USP33: variants seen among roughly 807,000 people sequenced by gnomAD.
USP33 encodes ubiquitin carboxyl-terminal hydrolase 33.
In USP33, 46 loss-of-function variants were observed where a neutral mutation model predicts 124.2. The ratio of observed to expected loss-of-function variants is 0.37; its 90% CI spans 0.29 to 0.47. USP33 has a LOEUF of 0.47. Ranked by LOEUF, USP33 falls within the 20% of genes least tolerant of loss-of-function variation. USP33 has a pLI of 0.99. For missense variants in USP33, 851 were observed against 1,070.6 expected (o/e 0.79, Z 2.86); for synonymous variants, 350 against 352.3 (o/e 0.99, Z 0.07).
intron 1 of USP33, among the ~76,000 whole-genome samples, chr1:77,742,389 A>G (rs1429144986): frequency 6.6e-6 from 1 of 152,198 alleles, no homozygotes; most frequent in Non-Finnish European, 1.5e-5. Flanking sequence ...CAAGAGACAG[A>G]CAGACCATCC....
intron 9 of USP33, among the ~76,000 whole-genome samples, chr1:77,729,097 G>A (rs1259084336): frequency 3.3e-5 from 5 of 152,056 alleles, no homozygotes; most frequent in Admixed American, 6.6e-5. Flanking sequence ...TTAGAAATGA[G>A]GTCTCCCTAT....
intron 20 of USP33, among the ~76,000 whole-genome samples, chr1:77,712,612 A>G (rs777562838): frequency 4.6e-5 from 7 of 152,160 alleles, no homozygotes; most frequent in Non-Finnish European, 8.8e-5. Flanking sequence ...CAAAGCAGCC[A>G]CATGGCTTGA....
Position 77,721,186 on chromosome 1 carries a change from A to G in USP33, c.1677T>C (p.Cys559=), listed in dbSNP as rs755412384. ...ATGTCACTTACTTTTTGCATTTTTC[A>G]CAACTGTACATATTGTCACCTGCAA... ...DELKGDNMYS[C]EKCKKLRNGV... Residue 559 remains cysteine, a synonymous_variant, in exon 15 of 24, where the codon TGT becomes TGC. Coordinates refer to ENST00000370794, the MANE Select transcript of USP33 (RefSeq NM_201624.3). 3 of 1,613,534 alleles carry G rather than the reference A, an allele frequency of 1.9e-6. No individual in the cohort carries two copies. Among genetic ancestry groups the G allele is most frequent in the African/African-American group, 2.7e-5 (2 of 74,900 alleles).
intron 20 of USP33, among the ~76,000 whole-genome samples, chr1:77,712,272 A>G (rs1233049996): frequency 6.6e-6 from 1 of 152,262 alleles, no homozygotes; most frequent in African/African-American, 2.4e-5. Flanking sequence ...AAACATAATT[A>G]GTAGGAAAAC....
intron 21 of USP33, among the ~76,000 whole-genome samples, chr1:77,705,636 T>A (rs1232273970): frequency 6.6e-6 from 1 of 151,206 alleles, no homozygotes; most frequent in African/African-American, 2.4e-5. Flanking sequence ...TAGCAAGGCA[T>A]AAGCCACCTT....
Position 77,759,826 on chromosome 1 carries a change from G to C in USP33, c.-235C>G. ...CCTCCTGAACTGGCCACTTCCCGCA[G>C]CAGCCGCGGCTCCTTCCGGTGTCTC... On this transcript the variant is annotated 5_prime_UTR_variant, in exon 1 of 24. Transcript: ENST00000370794. 2 of 396,686 alleles carry C rather than the reference G, an allele frequency of 5.0e-6. No homozygotes were observed. Among genetic ancestry groups the C allele is most frequent in the African/African-American group, 4.1e-5 (2 of 48,646 alleles). 24.6% of individuals were successfully genotyped at this position (396,686 alleles called of 1,614,324 possible).
Position 77,728,476 on chromosome 1 carries a change from T to G in USP33, c.954A>C (p.Leu318Phe). 6.2e-7 allele frequency: 1 copy of G among 1,614,100 alleles called. No individual in the cohort carries two copies. Among genetic ancestry groups the G allele is most frequent in the South Asian group, 1.1e-5 (1 of 91,088 alleles). Residue 318 changes from leucine (L) to phenylalanine (F), a missense_variant, in exon 10 of 24, where the codon TTA (leucine) becomes TTC (phenylalanine). By Grantham distance (22) the Leu-to-Phe change is conservative. Transcript: ENST00000370794. ...CTGAATTGTTTTCATCATCCTGAATTAACATTGTTGTTTCATTATTATCTT... is the reference window on the plus strand; with the variant it reads ...CTGAATTGTTTTCATCATCCTGAATGAACATTGTTGTTTCATTATTATCTT... ...FSEDNNETTM[L>F]IQDDENNSEM... is the part of the protein sequence containing the mutation.
At chr1:77,706,096 T>C (rs957822313) in intron 21 of USP33, among the ~76,000 whole-genome samples, 1 of 152,236 alleles carries the variant, frequency 6.6e-6, no homozygotes, top group African/African-American at 2.4e-5. Flanking sequence ...TGGGCAATTA[T>C]GAACAATACT....
chr1:77,714,766 G>C lies in USP33; in HGVS notation c.2063C>G (p.Ala688Gly), dbSNP rs1557826169. 6.2e-7 allele frequency: 1 copy of C among 1,611,732 alleles called. No individual in the cohort carries two copies. The highest frequency in any genetic ancestry group is 8.5e-7 in the Non-Finnish European group (1 of 1,179,816). Reference sequence around the variant, plus strand: ...TGATATCCTTCTCCTCTCTTTTTGTGCCTCTTCGCTGCTCTTCCTATTAAG... The same window carrying C: ...TGATATCCTTCTCCTCTCTTTTTGTCCCTCTTCGCTGCTCTTCCTATTAAG... ...VLFYRKSSEE[A>G]QKERRRISNL... The change falls in exon 19 of 24, where the codon GCA becomes GGA. Residue 688 changes from alanine (A) to glycine (G), a missense_variant. Physicochemically the swap from Ala to Gly is moderately conservative, Grantham distance 60. This residue lies in a region of USP33 where 281 missense variants were observed against 425.0 expected (regional missense o/e 0.66). Coordinates refer to ENST00000370794, the MANE Select transcript of USP33 (RefSeq NM_201624.3).
chr1:77,754,133 G>A (rs1202783626), intron 1 of USP33, among the ~76,000 whole-genome samples: 1 of 152,150 alleles, frequency 6.6e-6, no homozygotes, highest in Non-Finnish European at 1.5e-5. Context: ...GTTACACAGA[G>A]GTTGGGTAAC....
intron 21 of USP33, among the ~76,000 whole-genome samples, chr1:77,703,058 A>G (rs997592277): frequency 6.6e-6 from 1 of 152,132 alleles, no homozygotes; most frequent in African/African-American, 2.4e-5. Context: ...AAAACCCTGT[A>G]ATTATTCACA....
chr1:77,723,309 A>C, intron 12 of USP33, 22 bp downstream of exon 12: 4 of 1,505,572 alleles, frequency 2.7e-6, no homozygotes, highest in Non-Finnish European at 2.8e-6. Flanking sequence ...TTTTCTGTGT[A>C]TTCTAATACC....
At position 77,721,909 on chromosome 1, in the gene USP33, C is replaced by T. The variant is rs1251775362; in HGVS notation, c.1579G>A (p.Val527Ile). Residue 527 changes from valine (V) to isoleucine (I), a missense_variant, in exon 14 of 24, where the codon GTC becomes ATC. Val to Ile is a conservative substitution (Grantham distance 29). This residue lies in a region of USP33 where 281 missense variants were observed against 425.0 expected (regional missense o/e 0.66). Transcript: ENST00000370794. ...ACTGGACCCCAAAACCAGCTAGGGA[C>T]ACATGAGACAACAAACCTGAAACAT... ...EYVKRFVVSCVPSWFWGPVVT... is the reference protein window; with the variant it reads ...EYVKRFVVSCIPSWFWGPVVT... 31 of 1,608,304 alleles carry T rather than the reference C, an allele frequency of 1.9e-5. No individual in the cohort carries two copies. Among genetic ancestry groups the T allele is most frequent in the Non-Finnish European group, 2.6e-5 (31 of 1,178,662 alleles).
intron 1 of USP33, among the ~76,000 whole-genome samples, chr1:77,755,441 A>T (rs1158074817): frequency 6.6e-6 from 1 of 152,246 alleles, no homozygotes; most frequent in African/African-American, 2.4e-5. Context: ...CATGCCTGTA[A>T]TCCCAGCACT....
intron 18 of USP33, among the ~76,000 whole-genome samples, chr1:77,715,183 T>G (rs1432235754): frequency 6.6e-6 from 1 of 152,202 alleles, no homozygotes; most frequent in African/African-American, 2.4e-5. Flanking sequence ...CATCAATGCC[T>G]AATTTTTAAA....
At chr1:77,748,302 G>A in intron 1 of USP33, among the ~76,000 whole-genome samples, 1 of 152,134 alleles carries the variant, frequency 6.6e-6, no homozygotes, top group Non-Finnish European at 1.5e-5. Flanking sequence ...TCCCCATCAA[G>A]TTTCTAATTT....
At chr1:77,741,347 A>C (rs761680602) in intron 3 of USP33, 29 bp downstream of exon 3, 2 of 1,568,614 alleles carry the variant, frequency 1.3e-6, no homozygotes, top group East Asian at 2.3e-5. Flanking sequence ...TTATTATAGC[A>C]ATCTTTTCAG....
chr1:77,708,814 T>G (rs1319670661), intron 21 of USP33, among the ~76,000 whole-genome samples: 1 of 152,166 alleles, frequency 6.6e-6, no homozygotes, highest in Non-Finnish European at 1.5e-5. Context: ...TTCTTCTAAT[T>G]GTATACTATT....
Position 77,729,906 on chromosome 1 carries a change from T to C in USP33, c.671A>G (p.Gln224Arg), listed in dbSNP as rs748232226. The change falls in exon 9 of 24, where the codon CAA becomes CGA. Residue 224 changes from glutamine to arginine, a missense_variant. Gln to Arg is a conservative substitution (Grantham distance 43). Coordinates refer to ENST00000370794, the MANE Select transcript of USP33 (RefSeq NM_201624.3). ...PGSVVPTTLF[Q>R]GIKTVNPTFR... ...TGTTGGATTTACAGTTTTAATTCCT[T>C]GAAACAGAGTAGTAGGCACAACAGA... The C allele has an allele frequency of 4.3e-6, 7 of 1,613,882 alleles. No individual in the cohort carries two copies. The Admixed American group carries it at 1.0e-4, about 23-fold the overall frequency.
Sources: allele counts gnomAD v4.1 joint callset (sites outside exome capture counted in the v4.1 genomes callset), GRCh38; gene constraint gnomAD v4.1.1; regional missense constraint gnomAD v4.1.1; transcripts MANE v1.5; gene names NCBI Gene and HGNC (gene_info 2026-07-23, HGNC 2026-07-21).